Variants in ADGB observed in about 807,000 individuals in gnomAD.
The protein encoded by ADGB is androglobin, also known as calpain-7-like protein.
ADGB carries 172 observed loss-of-function variants against 210.5 expected under a neutral mutation model. That is an observed-to-expected ratio of 0.82 (90% CI 0.72 to 0.93). The LOEUF (loss-of-function observed/expected upper bound fraction) is 0.93, where lower values mean the gene tolerates loss of function less well. Ranked by LOEUF, ADGB falls within the 40% of genes least tolerant of loss-of-function variation. The pLI is 0.00. For synonymous variants in ADGB, 658 were observed against 662.7 expected (o/e 0.99, Z 0.11); for missense variants, 2,025 against 1,964.8 (o/e 1.03, Z -0.58).
At chr6:146,730,426 C>T (rs971953333) in intron 20 of ADGB, among the ~76,000 whole-genome samples, 2 of 152,166 alleles carry the variant, frequency 1.3e-5, no homozygotes, top group African/African-American at 2.4e-5. Context: ...TCAAGATAAG[C>T]AATATGTAGT....
chr6:146,782,027 T>G lies in ADGB; in HGVS notation c.3870T>G (p.Gly1290=). Residue 1290 remains glycine, a synonymous_variant, in exon 30 of 36, where the codon GGT becomes GGG. Transcript: ENST00000397944. ...ATTTTTATGTCTCTCTAGCTTATGG[T>G]GAAAGACACGAGGAGTTAATTAACT... is the stretch of plus-strand genomic sequence containing the variant. The part of the protein sequence containing the change: ...DLKKSNTKAY[G]ERHEELINLG... 6.7e-7 allele frequency: 1 copy of G among 1,485,056 alleles called. No individual in the cohort carries two copies. The highest frequency in any genetic ancestry group is 8.9e-7 in the Non-Finnish European group (1 of 1,123,156). 92.0% of individuals were successfully genotyped at this position (1,485,056 alleles called of 1,614,324 possible).
At chr6:146,769,215 A>G (rs1777619207) in intron 29 of ADGB, 84 bp downstream of exon 29, 1 of 654,704 alleles carries the variant, frequency 1.5e-6, no homozygotes, top group Non-Finnish European at 2.6e-6. Flanking sequence ...TGATTTAGTC[A>G]TGAAAATATC....
Position 146,752,725 on chromosome 6 carries a change from C to A in ADGB, c.3550+11C>A. The stretch of plus-strand genomic sequence containing the variant: ...GTTTGAGCTCCCAGTGTAAGTGTAC[C>A]TTTATGAACAGGATAGTTAGATTCA... On this transcript the variant is annotated intron_variant, in intron 27 of 35. Transcript: ENST00000397944. 6.5e-7 allele frequency: 1 copy of A among 1,537,770 alleles called. No individual in the cohort carries two copies. Among genetic ancestry groups the A allele is most frequent in the Non-Finnish European group, 8.8e-7 (1 of 1,141,026 alleles).
chr6:146,716,793 T>A lies in ADGB; in HGVS notation c.1742-90T>A, dbSNP rs946136035. ...ATAAATATTTTCCCAAAAATAGACT[T>A]TGATATTTAAGTTTCCCTTTATCAT... is the stretch of plus-strand genomic sequence containing the variant. On this transcript the variant is annotated intron_variant, in intron 14 of 35. Transcript: ENST00000397944. 3.2e-6 allele frequency: 4 copies of A among 1,259,788 alleles called. No individual in the cohort carries two copies. In the African/African-American group the frequency reaches 6.1e-5, roughly 19 times the overall value. 78.0% of individuals were successfully genotyped at this position (1,259,788 alleles called of 1,614,324 possible).
chr6:146,685,202 C>T (rs565114602), intron 9 of ADGB, among the ~76,000 whole-genome samples: 4 of 152,070 alleles, frequency 2.6e-5, no homozygotes, highest in Non-Finnish European at 4.4e-5. Context: ...AAATAAGCAA[C>T]GCTTAAAAGC....
At chr6:146,697,870 T>C (rs995829687) in intron 12 of ADGB, among the ~76,000 whole-genome samples, 1 of 152,004 alleles carries the variant, frequency 6.6e-6, no homozygotes, top group Non-Finnish European at 1.5e-5. Context: ...AAGACAAATA[T>C]AATGCAATAA....
Position 146,717,570 on chromosome 6 carries a change from T to A in ADGB, c.1963T>A (p.Cys655Ser), listed in dbSNP as rs1341291322. Residue 655 changes from cysteine (C) to serine (S), a missense_variant, in exon 16 of 36, where the codon TGC (cysteine) becomes AGC (serine). Coordinates refer to ENST00000397944, the MANE Select transcript of ADGB (RefSeq NM_024694.4). ...TATTTTCCACAAGCCAAGTTCATAT[T>A]GCCTTAACTTTCAAAAATCAGAATT... The part of the protein sequence containing the change: ...IYIFHKPSSY[C>S]LNFQKSEFKF... The A allele has an allele frequency of 7.1e-7, 1 of 1,408,476 alleles. No homozygotes were observed. The highest frequency in any genetic ancestry group is 9.6e-7 in the Non-Finnish European group (1 of 1,036,898). 87.2% of individuals were successfully genotyped at this position (1,408,476 alleles called of 1,614,324 possible).
intron 13 of ADGB, among the ~76,000 whole-genome samples, chr6:146,710,278 A>C (rs577100137): frequency 6.6e-6 from 1 of 151,074 alleles, no homozygotes. Context: ...AATCCAATTA[A>C]TTGGGAACTG....
At chr6:146,732,117 C>T (rs1776996805) in intron 20 of ADGB, among the ~76,000 whole-genome samples, 1 of 152,106 alleles carries the variant, frequency 6.6e-6, no homozygotes, top group South Asian at 2.1e-4. Context: ...ATATTAGGAC[C>T]AACATGTTCC....
At chr6:146,809,092 T>C (rs1465993351) in intron 35 of ADGB, among the ~76,000 whole-genome samples, 1 of 151,920 alleles carries the variant, frequency 6.6e-6, no homozygotes, top group Non-Finnish European at 1.5e-5. Flanking sequence ...ATGTGGAACA[T>C]GTTCTGCTAC....
rs1039518083 is a variant in ADGB at position 146,635,649 on chromosome 6, G to A, written c.237+112G>A. 2.3e-5 allele frequency: 27 copies of A among 1,177,178 alleles called. 1 individual carries two copies. Among genetic ancestry groups the A allele is most frequent in the Non-Finnish European group, 2.9e-5 (26 of 892,950 alleles). The allele number at this position is 1,177,178 out of a possible 1,614,324, so 72.9% of individuals were successfully genotyped here. On this transcript the variant is annotated intron_variant, in intron 2 of 35. Transcript: ENST00000397944. The stretch of plus-strand genomic sequence containing the variant: ...TCTTCTCCATAATGTGCATTCAAAA[G>A]GGAAATTTTTTATTTTTCTATCAGC...
intron 22 of ADGB, 116 bp downstream of exon 22, chr6:146,734,146 C>T (rs577506855): frequency 1.9e-6 from 2 of 1,026,076 alleles, no homozygotes; most frequent in East Asian, 2.6e-5. Context: ...TTTCAGTCCT[C>T]TAAATAATGA....
At chr6:146,676,226 CT>C in intron 8 of ADGB, 86 bp from the exon 9 acceptor site, 2 of 1,256,728 alleles carry the variant, frequency 1.6e-6, no homozygotes, top group Admixed American at 3.3e-5. Context: ...TTATTTTGGC[CT>C]TTTTTCTTTA....
intron 2 of ADGB, among the ~76,000 whole-genome samples, chr6:146,636,004 A>G (rs190478750): frequency 3.6e-4 from 55 of 152,152 alleles, no homozygotes; most frequent in African/African-American, 1.3e-3. Context: ...GTGAATAAAG[A>G]TCCTCACTGC....
intron 3 of ADGB, among the ~76,000 whole-genome samples, chr6:146,649,026 T>C (rs139439890): frequency 6.6e-6 from 1 of 152,056 alleles, no homozygotes; most frequent in African/African-American, 2.4e-5. Flanking sequence ...TTTAAGATTT[T>C]AAATTACACA....
chr6:146,787,972 C>G (rs1777901605), intron 32 of ADGB, among the ~76,000 whole-genome samples: 1 of 152,140 alleles, frequency 6.6e-6, no homozygotes, highest in South Asian at 2.1e-4. Flanking sequence ...CTGTTCAGCT[C>G]TATTTTAAGA....
At chr6:146,738,241 A>G (rs1583615337) in intron 23 of ADGB, among the ~76,000 whole-genome samples, 1 of 152,124 alleles carries the variant, frequency 6.6e-6, no homozygotes, top group Non-Finnish European at 1.5e-5. Flanking sequence ...CACATATTGA[A>G]TTATTACAGA....
chr6:146,643,457 A>C (rs1470712047), intron 2 of ADGB, among the ~76,000 whole-genome samples: 1 of 151,774 alleles, frequency 6.6e-6, no homozygotes, highest in South Asian at 2.1e-4. Context: ...TTCGTTTATA[A>C]CCTGTCAATT....
intron 28 of ADGB, among the ~76,000 whole-genome samples, chr6:146,766,520 G>A (rs540554798): frequency 3.2e-4 from 48 of 151,682 alleles, no homozygotes; most frequent in African/African-American, 1.2e-3. Flanking sequence ...CTTCCTGAGG[G>A]TGGGGGAGAG....
Sources: gnomAD v4.1 joint callset for allele counts (sites outside exome capture counted in the v4.1 genomes callset) on GRCh38, gnomAD v4.1.1 for gene constraint, MANE v1.5 for transcripts, NCBI Gene and HGNC (gene_info 2026-07-23, HGNC 2026-07-21) for gene names.